The following PRKACA variants were observed in gnomAD, a reference collection of about 807,000 sequenced individuals.
The protein encoded by PRKACA is protein kinase cAMP-activated catalytic subunit alpha.
Under a neutral mutation model 45.8 loss-of-function variants are expected in PRKACA, and 9 were observed. The ratio of observed to expected loss-of-function variants is 0.20; its 90% confidence interval spans 0.12 to 0.34. PRKACA has a LOEUF of 0.34. PRKACA is among the 10% of genes least tolerant of loss of function. The pLI is 1.00. For synonymous variants in PRKACA, 160 were observed against 178.6 expected (o/e 0.90, Z 0.83); for missense variants, 238 against 458.6 (o/e 0.52, Z 4.39).
At chr19:14,105,301 CAGG>C (rs984839762) in intron 3 of PRKACA, among the ~76,000 whole-genome samples, 6 of 151,968 alleles carry the variant, frequency 3.9e-5, no homozygotes, top group African/African-American at 1.4e-4. Flanking sequence ...TACCTGAGGT[CAGG>C]AGTTCGAGAC....
intron 1 of PRKACA, among the ~76,000 whole-genome samples, chr19:14,116,540 TG>T (rs1967109042): frequency 1.3e-5 from 2 of 151,940 alleles, no homozygotes; most frequent in African/African-American, 2.4e-5. Flanking sequence ...CCAGGAGTGG[TG>T]GAAGAAGCCC....
intron 3 of PRKACA, among the ~76,000 whole-genome samples, chr19:14,103,387 G>A (rs779985242): frequency 1.2e-4 from 18 of 152,140 alleles, no homozygotes; most frequent in Non-Finnish European, 1.8e-4. Context: ...TGAACCTCAG[G>A]CTAACAGCTC....
At chr19:14,105,259 C>T (rs41296278) in intron 3 of PRKACA, among the ~76,000 whole-genome samples, 5,439 of 152,168 alleles carry the variant, frequency 0.036, 306 homozygotes, top group African/African-American at 0.12. Context: ...CATCTGTAAT[C>T]CCAGCACTTT....
At chr19:14,109,977 T>A (rs1160921097) in intron 1 of PRKACA, among the ~76,000 whole-genome samples, 4 of 80,548 alleles carry the variant, frequency 5.0e-5, no homozygotes, top group African/African-American at 1.6e-4. Context: ...TATATATATA[T>A]ATATATATAT....
In PRKACA at chr19:14,097,682, C is replaced by T; in HGVS notation, c.547-8G>A. ...GAAACCGAAGTCTGTCACCTGTGGG[C>T]ACAAGAACAGGCAGTTGGCAGGGAG... On this transcript the variant is annotated splice_polypyrimidine_tract_variant and splice_region_variant and intron_variant, in intron 6 of 9. Transcript: ENST00000308677. This position sits in a 1 kb window ranked among gnomAD's most constrained non-coding sequence, Gnocchi z 5.4. 6.2e-7 allele frequency: 1 copy of T among 1,610,454 alleles called. No individual in the cohort carries two copies. The highest frequency in any genetic ancestry group is 8.5e-7 in the Non-Finnish European group (1 of 1,177,508).
intron 9 of PRKACA, 99 bp downstream of exon 9, chr19:14,093,529 C>T: frequency 6.9e-7 from 1 of 1,456,630 alleles, no homozygotes; most frequent in Non-Finnish European, 9.3e-7. Context: ...CTAGGTTGCT[C>T]CTGAACCTGT....
chr19:14,092,646 T>C lies in PRKACA; in HGVS notation c.*466A>G. On this transcript the variant is annotated 3_prime_UTR_variant, in exon 10 of 10. Coordinates refer to ENST00000308677, the MANE Select transcript of PRKACA (RefSeq NM_002730.4). Reference sequence around the variant, plus strand: ...ATCTCTCCTTCCCAGGCAGGATTACTCCGAAAGGAAGGTTGGCGCTTCGTT... The same window carrying C: ...ATCTCTCCTTCCCAGGCAGGATTACCCCGAAAGGAAGGTTGGCGCTTCGTT... 1 of 374,180 alleles carries C rather than the reference T, an allele frequency of 2.7e-6. No homozygotes were observed. The allele number at this position is 374,180 out of a possible 1,614,324, so 23.2% of individuals were successfully genotyped here. A position where few individuals can be genotyped will look rare whatever the true frequency, so the allele number is the denominator to read the frequency against.
chr19:14,117,648 C>G lies in PRKACA; in HGVS notation c.-101G>C. ...GCGCTGGGCGGCGGCGGCGGCGGCC[C>G]TCGGGCTGGCTGCGCTAGCTGCGGC... On this transcript the variant is annotated 5_prime_UTR_variant, in exon 1 of 10. Coordinates refer to ENST00000308677, the MANE Select transcript of PRKACA (RefSeq NM_002730.4). 1 of 669,826 alleles carries G rather than the reference C, an allele frequency of 1.5e-6. No individual in the cohort carries two copies. Among genetic ancestry groups the G allele is most frequent in the African/African-American group, 2.0e-5 (1 of 50,542 alleles). 41.5% of individuals were successfully genotyped at this position (669,826 alleles called of 1,614,324 possible).
intron 3 of PRKACA, among the ~76,000 whole-genome samples, chr19:14,103,578 G>A (rs564886571): frequency 2.2e-4 from 33 of 152,282 alleles, no homozygotes; most frequent in Non-Finnish European, 3.5e-4. Flanking sequence ...TCAGGCTGGT[G>A]TGTAACATGT....
intron 8 of PRKACA, among the ~76,000 whole-genome samples, chr19:14,095,422 G>C (rs1352023342): frequency 6.6e-6 from 1 of 151,914 alleles, no homozygotes; most frequent in Non-Finnish European, 1.5e-5. Flanking sequence ...GCCCGCCTCG[G>C]CCTCCCAAAG....
intron 3 of PRKACA, among the ~76,000 whole-genome samples, chr19:14,106,253 C>A (rs1439769685): frequency 6.6e-6 from 1 of 152,150 alleles, no homozygotes; most frequent in Non-Finnish European, 1.5e-5. Context: ...GTAGTCCCAG[C>A]TACTCAGGAG....
chr19:14,092,993 G>T lies in PRKACA; in HGVS notation c.*119C>A. On this transcript the variant is annotated 3_prime_UTR_variant, in exon 10 of 10. Coordinates refer to ENST00000308677, the MANE Select transcript of PRKACA (RefSeq NM_002730.4). ...CCCTAACCCTGGAGGGTGGGGTGGG[G>T]GTGAAATTAGATGCAAGGAACTCTG... 1 of 1,290,696 alleles carries T rather than the reference G, an allele frequency of 7.7e-7. No individual in the cohort carries two copies. Among genetic ancestry groups the T allele is most frequent in the Non-Finnish European group, 1.0e-6 (1 of 971,242 alleles). The allele number at this position is 1,290,696 out of a possible 1,614,324, so 80.0% of individuals were successfully genotyped here.
chr19:14,107,465 T>G, intron 1 of PRKACA, 56 bp from the exon 2 acceptor site: 1 of 1,571,230 alleles, frequency 6.4e-7, no homozygotes, highest in Non-Finnish European at 8.7e-7. Flanking sequence ...CGGGGTGGGT[T>G]CAGGTGATTT....
At chr19:14,108,224 C>T (rs1977670596) in intron 1 of PRKACA, 1 of 923,464 alleles carries the variant, frequency 1.1e-6, no homozygotes, top group Non-Finnish European at 1.3e-6. Context: ...CTGATGAACT[C>T]TGTGACTTTG....
At chr19:14,104,475 TTA>T (rs1977544538) in intron 3 of PRKACA, among the ~76,000 whole-genome samples, 1 of 151,032 alleles carries the variant, frequency 6.6e-6, no homozygotes, top group Non-Finnish European at 1.5e-5. Context: ...GGCCGGTGGA[TTA>T]CAAGGTCAGG....
At chr19:14,111,302 C>A (rs1227409239) in intron 1 of PRKACA, among the ~76,000 whole-genome samples, 1 of 151,880 alleles carries the variant, frequency 6.6e-6, no homozygotes, top group Non-Finnish European at 1.5e-5. Context: ...GAGGCTGAGG[C>A]AGGAGAATTG....
chr19:14,107,599 C>A, intron 1 of PRKACA, 190 bp from the exon 2 acceptor site: 1 of 1,311,046 alleles, frequency 7.6e-7, no homozygotes. Context: ...AGGTGGGATC[C>A]AGCTGCCACT....
chr19:14,098,036 A>G, intron 5 of PRKACA, 146 bp from the exon 6 acceptor site: 1 of 978,468 alleles, frequency 1.0e-6, no homozygotes, highest in East Asian at 2.6e-5. Context: ...ATAGCCCGAC[A>G]TGGGAAACAG....
chr19:14,109,367 C>T (rs79051698), intron 1 of PRKACA, among the ~76,000 whole-genome samples: 2 of 151,904 alleles, frequency 1.3e-5, no homozygotes, highest in Middle Eastern at 3.4e-3. Context: ...AGAATCGCTT[C>T]GACCCGGGAG....
Sources: gnomAD v4.1 joint callset for allele counts (sites outside exome capture counted in the v4.1 genomes callset) on GRCh38, gnomAD v4.1.1 for gene constraint, Gnocchi (gnomAD v3.1) non-coding constraint, MANE v1.5 for transcripts, NCBI Gene and HGNC (gene_info 2026-07-23, HGNC 2026-07-21) for gene names.